Variants in ROBO2 observed in about 807,000 individuals in gnomAD.
ROBO2 encodes roundabout homolog 2.
ROBO2 carries 53 observed loss-of-function variants against 160.8 expected under a neutral mutation model. The ratio of observed to expected loss-of-function variants is 0.33; its 90% confidence interval spans 0.26 to 0.41. ROBO2 has a LOEUF of 0.41. Ranked by LOEUF, ROBO2 falls within the 10% of genes least tolerant of loss-of-function variation. The pLI, the probability that ROBO2 is intolerant of heterozygous loss-of-function variation, is 1.00. For missense variants in ROBO2, 1,577 were observed against 1,722.4 expected, an observed-to-expected ratio of 0.92 and a Z score of 1.49; for synonymous variants, 664 against 611.7, an observed-to-expected ratio of 1.09 and a Z score of -1.26.
rs550426467 is a variant in ROBO2, at chr3:76,426,669, A to AT, written c.109+489073dup. Among the ~76,000 whole-genome samples the AT allele has an allele frequency of 4.0e-3, 609 of 152,148 alleles. 7 individuals are homozygous for AT. The highest frequency in any genetic ancestry group is 0.014 in the African/African-American group (569 of 41,514). ...TAGATGAAAGGGGTGATTTTTATTG[A>AT]TTTTTTGTGCTTTTCTTTCTTTTAC... On this transcript the variant is annotated intron_variant, in intron 2 of 26. Transcript: ENST00000487694.
chr3:76,441,179 G>T (rs1480147340), intron 2 of ROBO2, among the ~76,000 whole-genome samples: 1 of 152,116 alleles, frequency 6.6e-6, no homozygotes, highest in Non-Finnish European at 1.5e-5. Flanking sequence ...CAAAGCTGGT[G>T]CTTGGCTGTT....
At chr3:76,827,722 A>G (rs2066711134) in intron 2 of ROBO2, among the ~76,000 whole-genome samples, 1 of 152,070 alleles carries the variant, frequency 6.6e-6, no homozygotes, top group African/African-American at 2.4e-5. Flanking sequence ...TCTTTATTGC[A>G]TTATTACATA....
At chr3:76,290,004 T>G (rs1708725283) in intron 2 of ROBO2, among the ~76,000 whole-genome samples, 1 of 152,264 alleles carries the variant, frequency 6.6e-6, no homozygotes, top group Admixed American at 6.5e-5. Flanking sequence ...AGTTTTAGAA[T>G]AGTTTTTTTT....
intron 2 of ROBO2, among the ~76,000 whole-genome samples, chr3:76,497,858 C>T (rs1448123363): frequency 6.6e-6 from 1 of 152,104 alleles, no homozygotes; most frequent in Non-Finnish European, 1.5e-5. Flanking sequence ...GCATTCCCAG[C>T]ATTTCCAGCA....
At chr3:76,046,162 G>C (rs2067439844) in intron 2 of ROBO2, among the ~76,000 whole-genome samples, 1 of 151,862 alleles carries the variant, frequency 6.6e-6, no homozygotes, top group Admixed American at 6.6e-5. Context: ...AGCTTTGTTC[G>C]TAAATGAAAA....
intron 2 of ROBO2, among the ~76,000 whole-genome samples, chr3:76,601,892 C>T (rs1343777177): frequency 3.3e-5 from 5 of 152,276 alleles, no homozygotes; most frequent in East Asian, 1.9e-4. Flanking sequence ...CTTTTAGGTT[C>T]GGCTTCCTGT....
At chr3:76,400,821 C>G (rs938498628) in intron 2 of ROBO2, among the ~76,000 whole-genome samples, 2 of 151,260 alleles carry the variant, frequency 1.3e-5, no homozygotes, top group African/African-American at 2.4e-5. Flanking sequence ...TAATGTAGAC[C>G]ATTCAGTGTT....
chr3:77,011,077 C>CTTTCTTTCTTTA (rs1357717944), intron 2 of ROBO2, among the ~76,000 whole-genome samples: 2 of 127,770 alleles, frequency 1.6e-5, no homozygotes, highest in African/African-American at 6.3e-5. Flanking sequence ...TTCTTTCTTT[C>CTTTCTTTCTTTA]TTTCTTTCTT....
intron 2 of ROBO2, among the ~76,000 whole-genome samples, chr3:76,765,901 C>T (rs144794772): frequency 6.6e-6 from 1 of 151,758 alleles, no homozygotes; most frequent in Non-Finnish European, 1.5e-5. Context: ...ATTTGTTACA[C>T]ATCAATCGTA....
intron 2 of ROBO2, among the ~76,000 whole-genome samples, chr3:76,683,477 A>C (rs1467582446): frequency 6.6e-6 from 1 of 151,494 alleles, no homozygotes. Flanking sequence ...AAAAAAAAAA[A>C]AAACCTGGAA....
intron 2 of ROBO2, among the ~76,000 whole-genome samples, chr3:76,363,309 T>A (rs1423573391): frequency 1.3e-5 from 2 of 152,150 alleles, no homozygotes; most frequent in African/African-American, 4.8e-5. Flanking sequence ...GCACAGTGGC[T>A]TTTTGCAATT....
At chr3:77,329,832 G>A (rs756032540) in intron 2 of ROBO2, among the ~76,000 whole-genome samples, 1 of 152,084 alleles carries the variant, frequency 6.6e-6, no homozygotes, top group Non-Finnish European at 1.5e-5. Context: ...TGTGAGGGCG[G>A]CACAATGACA....
chr3:76,741,601 T>A (rs2093802975), intron 2 of ROBO2, among the ~76,000 whole-genome samples: 1 of 152,040 alleles, frequency 6.6e-6, no homozygotes, highest in South Asian at 2.1e-4. Context: ...TTTACATGAC[T>A]TACTTTGAGT....
chr3:77,568,195 G>T (rs2093542538), intron 12 of ROBO2, 118 bp from the exon 14 acceptor site: 1 of 1,125,894 alleles, frequency 8.9e-7, no homozygotes, highest in African/African-American at 1.5e-5. Context: ...TCACAAGAGA[G>T]TTTTCGTTTT....
chr3:76,567,812 T>A lies in ROBO2; in HGVS notation c.110-530202T>A, dbSNP rs1446762667. On this transcript the variant is annotated intron_variant, in intron 2 of 26. Transcript: ENST00000487694. ...GTGTGTGTGTGTATATATATATTTTTTTTTTTTTTTTGGGGGGGGTTGGAC... is the reference window on the plus strand; with the variant it reads ...GTGTGTGTGTGTATATATATATTTTATTTTTTTTTTTGGGGGGGGTTGGAC... 5.5e-3 allele frequency among the ~76,000 whole-genome samples: 724 copies of A among 130,456 alleles called. 9 individuals are homozygous for A. The highest frequency in any genetic ancestry group is 0.01 in the African/African-American group (372 of 37,194). The allele number at this position is 130,456 out of a possible 152,430, so 85.6% of individuals were successfully genotyped here. A position where few individuals can be genotyped will look rare whatever the true frequency, so the allele number is the denominator to read the frequency against.
chr3:76,791,303 A>G (rs2063335048), intron 2 of ROBO2, among the ~76,000 whole-genome samples: 1 of 151,776 alleles, frequency 6.6e-6, no homozygotes. Flanking sequence ...AGAATGGTCC[A>G]CAACTATCCT....
intron 2 of ROBO2, among the ~76,000 whole-genome samples, chr3:76,875,740 T>C (rs4855964): frequency 0.89 from 134,907 of 152,110 alleles, 60,017 homozygotes; most frequent in African/African-American, 0.96. Flanking sequence ...CTGCAACCTC[T>C]GCTTCCCAGG....
At chr3:76,514,679 C>T (rs1027010611) in intron 2 of ROBO2, among the ~76,000 whole-genome samples, 1 of 151,798 alleles carries the variant, frequency 6.6e-6, no homozygotes, top group Non-Finnish European at 1.5e-5. Flanking sequence ...TTTTGGAAAC[C>T]CACTTCTAAA....
At chr3:76,168,253 C>T (rs1169801972) in intron 2 of ROBO2, among the ~76,000 whole-genome samples, 1 of 152,150 alleles carries the variant, frequency 6.6e-6, no homozygotes, top group East Asian at 1.9e-4. Context: ...GATACCTCTA[C>T]CCTTATTTCA....
Sources: allele counts gnomAD v4.1 joint callset (sites outside exome capture counted in the v4.1 genomes callset), GRCh38; gene constraint gnomAD v4.1.1; transcripts MANE v1.5; gene names NCBI Gene and HGNC (gene_info 2026-07-23, HGNC 2026-07-21).